MYBPHL: variants seen among roughly 807,000 people sequenced by gnomAD.
MYBPHL encodes the protein myosin-binding protein H-like.
In MYBPHL, 32 loss-of-function variants were observed where a neutral mutation model predicts 39.5. That is an observed-to-expected ratio of 0.81 (90% CI 0.61 to 1.09). MYBPHL has a LOEUF of 1.09. Ranked by LOEUF, MYBPHL falls within the 50% of genes least tolerant of loss-of-function variation. MYBPHL has a pLI of 0.00. For synonymous variants in MYBPHL, 196 were observed against 183.7 expected (o/e 1.07, Z -0.54); for missense variants, 456 against 460.2 (o/e 0.99, Z 0.08).
At chr1:109,300,364 G>C (rs976535781) in intron 1 of MYBPHL, among the ~76,000 whole-genome samples, 2 of 152,360 alleles carry the variant, frequency 1.3e-5, no homozygotes, top group East Asian at 3.9e-4. Flanking sequence ...GGCTTGGACA[G>C]TGGCCTGCCC....
chr1:109,301,949 GACCGATGTT>G (rs1470583039), intron 1 of MYBPHL, among the ~76,000 whole-genome samples: 1 of 152,140 alleles, frequency 6.6e-6, no homozygotes, highest in Non-Finnish European at 1.5e-5. Context: ...GTATAGTTCA[GACCGATGTT>G]ACTAACTATG....
intron 1 of MYBPHL, among the ~76,000 whole-genome samples, chr1:109,300,482 C>T (rs1439462164): frequency 6.6e-6 from 1 of 152,176 alleles, no homozygotes; most frequent in Non-Finnish European, 1.5e-5. Context: ...CAGAAGTGCC[C>T]GCTGAGCCCC....
Position 109,297,553 on chromosome 1 carries a change from C to T in MYBPHL, c.299G>A (p.Ser100Asn). The T allele has an allele frequency of 6.2e-7, 1 of 1,613,946 alleles. No individual in the cohort carries two copies. The highest frequency in any genetic ancestry group is 8.5e-7 in the Non-Finnish European group (1 of 1,180,038). ...DGCALDTRRVSVRNGEQDSIL... is the reference protein window; with the variant it reads ...DGCALDTRRVNVRNGEQDSIL... ...GGAGTCTTGCTCCCCATTCCGCACA[C>T]TCACACGCCTGGTGTCCAAGGCACA... Residue 100 changes from serine (S) to asparagine (N), a missense_variant, in exon 3 of 9, where the codon AGT (serine) becomes AAT (asparagine). By Grantham distance (46) the Ser-to-Asn change is conservative (BLOSUM62 1). Transcript: ENST00000357155.
At chr1:109,305,397 A>T (rs554649888) in intron 1 of MYBPHL, among the ~76,000 whole-genome samples, 1 of 152,308 alleles carries the variant, frequency 6.6e-6, no homozygotes, top group East Asian at 1.9e-4. Flanking sequence ...AGTGGCCCTG[A>T]GGCCTGCAGT....
chr1:109,295,009 C>G lies in MYBPHL; in HGVS notation c.1054+102G>C, dbSNP rs1199295408. 6 of 1,158,148 alleles carry G rather than the reference C, an allele frequency of 5.2e-6. No individual in the cohort carries two copies. In the East Asian group the frequency reaches 1.2e-4, roughly 24 times the overall value. The allele number at this position is 1,158,148 out of a possible 1,614,324, so 71.7% of individuals were successfully genotyped here. A position where few individuals can be genotyped will look rare whatever the true frequency, so the allele number is the denominator to read the frequency against. On this transcript the variant is annotated intron_variant, in intron 7 of 8. Transcript: ENST00000357155. ...TGATGAAAGAGTCCAGCGGAGGAACCCCTTCTCCCCCTAGGCTTGCGTCTC... is the reference window on the plus strand; with the variant it reads ...TGATGAAAGAGTCCAGCGGAGGAACGCCTTCTCCCCCTAGGCTTGCGTCTC...
chr1:109,303,419 A>C (rs952987539), intron 1 of MYBPHL, among the ~76,000 whole-genome samples: 3 of 152,156 alleles, frequency 2.0e-5, no homozygotes, highest in Non-Finnish European at 2.9e-5. Flanking sequence ...TTGTTAAATA[A>C]ACTTCCCACC....
At chr1:109,300,826 G>A (rs1658251239) in intron 1 of MYBPHL, among the ~76,000 whole-genome samples, 1 of 152,244 alleles carries the variant, frequency 6.6e-6, no homozygotes, top group South Asian at 2.1e-4. Context: ...CTCCATTGCC[G>A]GTTCTCTGCT....
chr1:109,295,499 C>T (rs1434588358), intron 6 of MYBPHL, among the ~76,000 whole-genome samples: 1 of 152,218 alleles, frequency 6.6e-6, no homozygotes. Flanking sequence ...GAAAACAGCA[C>T]CTGAAACTTC....
chr1:109,295,891 G>A (rs901689958), intron 6 of MYBPHL, among the ~76,000 whole-genome samples: 1 of 152,202 alleles, frequency 6.6e-6, no homozygotes, highest in Admixed American at 6.5e-5. Context: ...GGTTGCATGT[G>A]CACGGCCCTG....
In MYBPHL at chr1:109,306,891, T is replaced by C. The variant is rs1390977849; in HGVS notation, c.101A>G (p.Gln34Arg). The change falls in exon 1 of 9, where the codon CAG becomes CGG. Residue 34 changes from glutamine (Q) to arginine (R), a missense_variant. By Grantham distance (43) the Gln-to-Arg change is conservative (BLOSUM62 1). Coordinates refer to ENST00000357155, the MANE Select transcript of MYBPHL (RefSeq NM_001010985.3). ...DAEPPQASPG[Q>R]GAGSPTPQLL... Reference sequence around the variant, plus strand: ...CTGGGGAGTGGGGCTGCCAGCCCCCTGTCCAGGTGAAGCCTGGGGTGGTTC... The same window carrying C: ...CTGGGGAGTGGGGCTGCCAGCCCCCCGTCCAGGTGAAGCCTGGGGTGGTTC... 1 of 1,594,370 alleles carries C rather than the reference T, an allele frequency of 6.3e-7. No homozygotes were observed. The highest frequency in any genetic ancestry group is 2.3e-5 in the East Asian group (1 of 42,772).
At position 109,292,474 on chromosome 1, in the gene MYBPHL, G is replaced by A. The variant is rs1657900296; in HGVS notation, c.*148C>T. 1 of 152,254 alleles carries A rather than the reference G, an allele frequency of 6.6e-6. No homozygotes were observed. The highest frequency in any genetic ancestry group is 1.5e-5 in the Non-Finnish European group (1 of 68,054). The allele number at this position is 152,254 out of a possible 1,614,324, so 9.4% of individuals were successfully genotyped here. ...GGGCTTCCTGGAGGCACTGAAAAGAGGGAGCACTTTGTAGCCATGACAGCA... is the reference window on the plus strand; with the variant it reads ...GGGCTTCCTGGAGGCACTGAAAAGAAGGAGCACTTTGTAGCCATGACAGCA... On this transcript the variant is annotated 3_prime_UTR_variant, in exon 9 of 9. Coordinates refer to ENST00000357155, the MANE Select transcript of MYBPHL (RefSeq NM_001010985.3).
chr1:109,306,808 C>T, intron 1 of MYBPHL, 39 bp downstream of exon 1: 1 of 1,522,150 alleles, frequency 6.6e-7, no homozygotes, highest in Non-Finnish European at 8.8e-7. Flanking sequence ...CAACTCCCAC[C>T]ACCCGGCCTC....
chr1:109,300,783 C>T (rs375405902), intron 1 of MYBPHL, among the ~76,000 whole-genome samples: 1 of 152,116 alleles, frequency 6.6e-6, no homozygotes. Flanking sequence ...GGAGGCTGCC[C>T]GCGAGGACGG....
intron 1 of MYBPHL, among the ~76,000 whole-genome samples, chr1:109,302,005 G>A (rs1310480426): frequency 6.6e-6 from 1 of 152,120 alleles, no homozygotes; most frequent in Non-Finnish European, 1.5e-5. Flanking sequence ...AAGCATTGGA[G>A]AAGTGGAGAG....
At position 109,306,830 on chromosome 1, in the gene MYBPHL, C is replaced by T. The variant is rs1464925519; in HGVS notation, c.145+17G>A. 3.9e-6 allele frequency: 6 copies of T among 1,547,962 alleles called. No individual in the cohort carries two copies. The highest frequency in any genetic ancestry group is 4.3e-6 in the Non-Finnish European group (5 of 1,151,644). ...CACCACCCGGCCTCCCCACCCTCCC[C>T]ACCTGCCATGGGTCACCTTCTATAG... On this transcript the variant is annotated intron_variant, in intron 1 of 8. Transcript: ENST00000357155.
chr1:109,302,369 G>A (rs1379833369), intron 1 of MYBPHL, among the ~76,000 whole-genome samples: 4 of 152,134 alleles, frequency 2.6e-5, no homozygotes, highest in African/African-American at 4.8e-5. Context: ...GTCTGGAGGA[G>A]TGCAATGGGA....
intron 1 of MYBPHL, among the ~76,000 whole-genome samples, chr1:109,300,605 T>C (rs867405946): frequency 2.0e-5 from 3 of 152,348 alleles, no homozygotes; most frequent in South Asian, 4.1e-4. Context: ...GGGAAAATGT[T>C]AGCATTCTTA....
At chr1:109,301,633 T>G (rs1240129156) in intron 1 of MYBPHL, among the ~76,000 whole-genome samples, 1 of 151,588 alleles carries the variant, frequency 6.6e-6, no homozygotes, top group South Asian at 2.1e-4. Context: ...CCCAGCTACT[T>G]GGGAGGCTGA....
chr1:109,302,187 T>C (rs1330017181), intron 1 of MYBPHL, among the ~76,000 whole-genome samples: 1 of 152,026 alleles, frequency 6.6e-6, no homozygotes, highest in Non-Finnish European at 1.5e-5. Context: ...AGAGGGAGCC[T>C]GCATACACAC....
Sources: allele counts gnomAD v4.1 joint callset (sites outside exome capture counted in the v4.1 genomes callset), GRCh38; gene constraint gnomAD v4.1.1; transcripts MANE v1.5; gene names NCBI Gene and HGNC (gene_info 2026-07-23, HGNC 2026-07-21).